The following SGO2 variants were observed in gnomAD, a reference collection of about 807,000 sequenced individuals.
SGO2 encodes the protein shugoshin 2, also known as shugoshin-like 2.
A neutral mutation model predicts 99.5 loss-of-function variants in SGO2; 68 were observed. The observed-to-expected ratio is 0.68, with a 90% CI of 0.56 to 0.84. The LOEUF is 0.84. Ranked by LOEUF, SGO2 falls within the 40% of genes least tolerant of loss-of-function variation. The probability of loss-of-function intolerance (pLI) is 0.00; values close to 1 mark genes in which losing one functional copy is unlikely to be tolerated. For synonymous variants in SGO2, 457 were observed against 487.1 expected (o/e 0.94, Z 0.81); for missense variants, 1,350 against 1,436.7 (o/e 0.94, Z 0.97).
intron 1 of SGO2, among the ~76,000 whole-genome samples, chr2:200,528,764 G>C (rs1441869963): frequency 2.0e-5 from 3 of 152,232 alleles, no homozygotes; most frequent in Non-Finnish European, 4.4e-5. Flanking sequence ...CAAGGACTGA[G>C]ATCTGGGGCA....
chr2:200,573,533 AAAG>A lies in SGO2; in HGVS notation c.3191_3193del (p.Glu1064del), dbSNP rs756243045. On this transcript the variant is annotated inframe_deletion, in exon 7 of 9. Transcript: ENST00000357799. ...AGATCTCCCTTTTGTGGAAGAAATA[AAAG>A]AAGGAGAGTGTCAGGTTAAAAAGGT... 1.4e-5 allele frequency: 22 copies of A among 1,611,214 alleles called. No homozygotes were observed. The South Asian group carries it at 2.0e-4, about 15-fold the overall frequency.
At position 200,575,374 on chromosome 2, in the gene SGO2, A is replaced by C. The variant is rs966525614; in HGVS notation, c.3695A>C (p.Glu1232Ala). ...GTTTCAAATAACACTGCTGAATCTGAAAATAAGTCAGAAGATCTATCTTCA... is the reference window on the plus strand; with the variant it reads ...GTTTCAAATAACACTGCTGAATCTGCAAATAAGTCAGAAGATCTATCTTCA... ...SFVSNNTAESENKSEDLSSER... is the reference protein window; with the variant it reads ...SFVSNNTAESANKSEDLSSER... Residue 1232 changes from glutamate (E) to alanine (A), a missense_variant, in exon 8 of 9, where the codon GAA becomes GCA. Coordinates refer to ENST00000357799, the MANE Select transcript of SGO2 (RefSeq NM_152524.6). 14 of 1,609,242 alleles carry C rather than the reference A, an allele frequency of 8.7e-6. No individual in the cohort carries two copies. In the African/African-American group the frequency reaches 1.3e-4, roughly 15 times the overall value.
At chr2:200,562,315 T>A (rs2106334083) in intron 5 of SGO2, among the ~76,000 whole-genome samples, 1 of 152,312 alleles carries the variant, frequency 6.6e-6, no homozygotes, top group East Asian at 1.9e-4. Flanking sequence ...AAATAGGGAA[T>A]CCTTTCCCCA....
chr2:200,560,070 C>T (rs2032881972), intron 5 of SGO2, among the ~76,000 whole-genome samples: 1 of 152,116 alleles, frequency 6.6e-6, no homozygotes, highest in East Asian at 1.9e-4. Flanking sequence ...TAATTATAGT[C>T]TTCCATATCC....
chr2:200,568,888 C>T (rs1264682519), intron 5 of SGO2, among the ~76,000 whole-genome samples: 2 of 150,506 alleles, frequency 1.3e-5, no homozygotes, highest in Non-Finnish European at 3.0e-5. Flanking sequence ...TTAGCCATTA[C>T]CAGAAGCAGA....
intron 5 of SGO2, among the ~76,000 whole-genome samples, chr2:200,555,193 G>A (rs1359138054): frequency 6.6e-6 from 1 of 151,998 alleles, no homozygotes; most frequent in Non-Finnish European, 1.5e-5. Context: ...TGAACTAAAA[G>A]GCATTACACT....
chr2:200,537,585 TTCAG>T (rs1355045809), intron 4 of SGO2, among the ~76,000 whole-genome samples: 1 of 152,160 alleles, frequency 6.6e-6, no homozygotes, highest in Non-Finnish European at 1.5e-5. Context: ...GCTATTCCTT[TTCAG>T]TCTGTTTGCT....
Position 200,564,577 on chromosome 2 carries a change from C to G in SGO2, c.474-5086C>G, listed in dbSNP as rs569296651. Reference sequence around the variant, plus strand: ...AGAGTTCTGTAGATGTCTATTAGGTCTGCTTGGTGCAGAGCTGAATTCAAT... The same window carrying G: ...AGAGTTCTGTAGATGTCTATTAGGTGTGCTTGGTGCAGAGCTGAATTCAAT... On this transcript the variant is annotated intron_variant, in intron 5 of 8. Coordinates refer to ENST00000357799, the MANE Select transcript of SGO2 (RefSeq NM_152524.6). Among the ~76,000 whole-genome samples, 3 of 152,270 alleles carry G rather than the reference C, an allele frequency of 2.0e-5. No individual in the cohort carries two copies. In the South Asian group the frequency reaches 6.2e-4, roughly 32 times the overall value.
intron 5 of SGO2, among the ~76,000 whole-genome samples, chr2:200,547,892 A>C (rs2032299939): frequency 6.6e-6 from 1 of 151,932 alleles, no homozygotes; most frequent in South Asian, 2.1e-4. Flanking sequence ...GACTGTAAAA[A>C]CTGGCAGTAA....
chr2:200,570,917 A>G lies in SGO2; in HGVS notation c.704-133A>G, dbSNP rs2033386794. ...TTCTTATAAGCATAGATTCTTAGTA[A>G]TATTAGGATCTGATCAGAACACATT... On this transcript the variant is annotated intron_variant, in intron 6 of 8. Coordinates refer to ENST00000357799, the MANE Select transcript of SGO2 (RefSeq NM_152524.6). The surrounding 1 kb of genome is among the most constrained non-coding windows in gnomAD (Gnocchi z 4.4). 2.9e-6 allele frequency: 2 copies of G among 678,566 alleles called. No homozygotes were observed. The highest frequency in any genetic ancestry group is 6.3e-5 in the South Asian group (2 of 31,642). The allele number at this position is 678,566 out of a possible 1,614,324, so 42.0% of individuals were successfully genotyped here.
chr2:200,574,492 T>C (rs1228989999), intron 7 of SGO2, among the ~76,000 whole-genome samples: 1 of 151,972 alleles, frequency 6.6e-6, no homozygotes, highest in Non-Finnish European at 1.5e-5. Context: ...CATGGTGAAA[T>C]GGAATAAACG....
chr2:200,578,181 T>TATAG (rs2033727596), intron 8 of SGO2, among the ~76,000 whole-genome samples: 1 of 152,108 alleles, frequency 6.6e-6, no homozygotes, highest in African/African-American at 2.4e-5. Context: ...TAGATATAGA[T>TATAG]ATATATCGTG....
At chr2:200,577,996 T>C (rs1313477123) in intron 8 of SGO2, among the ~76,000 whole-genome samples, 1 of 152,130 alleles carries the variant, frequency 6.6e-6, no homozygotes, top group East Asian at 1.9e-4. Context: ...AGTCTATATA[T>C]TCCATTTCTC....
At chr2:200,529,363 T>A (rs2031253853) in intron 1 of SGO2, among the ~76,000 whole-genome samples, 1 of 152,230 alleles carries the variant, frequency 6.6e-6, no homozygotes, top group Admixed American at 6.5e-5. Context: ...TTCCATGCGC[T>A]GGGGAATATA....
intron 8 of SGO2, chr2:200,576,110 CA>C (rs1335903260): frequency 7.9e-6 from 3 of 381,644 alleles, no homozygotes; most frequent in Admixed American, 3.6e-5. Context: ...TCACATCTAA[CA>C]AAAAAGAATG....
At chr2:200,532,182 A>G (rs34341856) in intron 1 of SGO2, among the ~76,000 whole-genome samples, 33,081 of 151,518 alleles carry the variant, frequency 0.22, 3,834 homozygotes, top group Middle Eastern at 0.3. Flanking sequence ...CTGGATTGAC[A>G]TAGTGAGCTG....
intron 5 of SGO2, 29 bp from the exon 6 acceptor site, chr2:200,569,634 T>C: frequency 1.3e-6 from 2 of 1,520,466 alleles, no homozygotes; most frequent in Non-Finnish European, 8.9e-7. Flanking sequence ...AAACACATAA[T>C]TTCTCATTTC....
rs944301379 is a variant in SGO2, at chr2:200,526,694, G to A, written c.-3+442G>A. Reference sequence around the variant, plus strand: ...GGCTGAAGGCGAAGGGGTGATGGAAGACTAGGGAGAACTTGGAACTTAGAA... The same window carrying A: ...GGCTGAAGGCGAAGGGGTGATGGAAAACTAGGGAGAACTTGGAACTTAGAA... On this transcript the variant is annotated intron_variant, in intron 1 of 8. Transcript: ENST00000357799. The surrounding 1 kb of genome is among the most constrained non-coding windows in gnomAD (Gnocchi z 4.8). 3.3e-5 allele frequency among the ~76,000 whole-genome samples: 5 copies of A among 152,150 alleles called. No individual in the cohort carries two copies. The highest frequency in any genetic ancestry group is 6.5e-5 in the Admixed American group (1 of 15,284).
chr2:200,546,214 G>A (rs1023499789), intron 5 of SGO2, among the ~76,000 whole-genome samples: 11 of 151,298 alleles, frequency 7.3e-5, no homozygotes, highest in South Asian at 4.2e-4. Flanking sequence ...TTAGCCAGGC[G>A]TGGTGGTGGG....
Sources: allele counts gnomAD v4.1 joint callset (sites outside exome capture counted in the v4.1 genomes callset), GRCh38; gene constraint gnomAD v4.1.1; non-coding constraint Gnocchi (gnomAD v3.1); transcripts MANE v1.5; gene names NCBI Gene and HGNC (gene_info 2026-07-23, HGNC 2026-07-21).